The following NBPF11 variants were observed in gnomAD, a reference collection of about 807,000 sequenced individuals.
The protein encoded by NBPF11 is NBPF member 11.
A neutral mutation model predicts 93.9 loss-of-function variants in NBPF11; 72 were observed. The observed-to-expected ratio is 0.77, with a 90% CI of 0.63 to 0.93. The LOEUF (loss-of-function observed/expected upper bound fraction) is 0.93. Ranked by LOEUF, NBPF11 falls within the 40% of genes least tolerant of loss-of-function variation. The probability of loss-of-function intolerance (pLI) is 0.00; values close to 1 mark genes in which losing one functional copy is unlikely to be tolerated. For synonymous variants in NBPF11, 224 were observed against 304.9 expected (o/e 0.73, Z 2.76); for missense variants, 705 against 802.2 (o/e 0.88, Z 1.46).
intron 2 of NBPF11, among the ~76,000 whole-genome samples, chr1:148,139,241 C>T (rs1459679288): frequency 2.0e-5 from 3 of 150,262 alleles, no homozygotes; most frequent in Non-Finnish European, 4.4e-5. Context: ...AAATACCAGT[C>T]ACCAGCACAG....
chr1:148,108,073 G>T (rs1429750990), intron 18 of NBPF11, among the ~76,000 whole-genome samples: 3 of 150,162 alleles, frequency 2.0e-5, no homozygotes, highest in Admixed American at 1.3e-4. Flanking sequence ...TGGTTGCTAG[G>T]AGAAAAACTG....
At chr1:148,141,808 G>A (rs1672212020) in intron 2 of NBPF11, among the ~76,000 whole-genome samples, 1 of 151,808 alleles carries the variant, frequency 6.6e-6, no homozygotes. Flanking sequence ...GGAGGAGGAG[G>A]CTGGGAGGAC....
chr1:148,151,489 C>T (rs1444028755), intron 1 of NBPF11, among the ~76,000 whole-genome samples: 2 of 152,080 alleles, frequency 1.3e-5, no homozygotes, highest in Non-Finnish European at 2.9e-5. Flanking sequence ...CCTCCACCCC[C>T]TGGGATGCCA....
Position 148,122,087 on chromosome 1 carries a change from T to C in NBPF11, c.746A>G (p.Asp249Gly), listed in dbSNP as rs1284360300. The change falls in exon 9 of 24, where the codon GAT becomes GGT. Residue 249 changes from aspartate to glycine, a missense_variant. Physicochemically the swap from Asp to Gly is moderately conservative, Grantham distance 94. This residue lies in a region of NBPF11 where 262 missense variants were observed against 223.1 expected (regional missense o/e 1.17). Transcript: ENST00000682118. ...AATGTTTAGAGCATCCTGACATCCA[T>C]CATGAGAGGATTCTCTGTCTACAAC... ...SLVVDRESSH[D>G]GCQDALNILP... 4 of 1,612,240 alleles carry C rather than the reference T, an allele frequency of 2.5e-6. No homozygotes were observed. Among genetic ancestry groups the C allele is most frequent in the East Asian group, 2.2e-5 (1 of 44,898 alleles).
At chr1:148,136,633 C>T (rs1229991773) in intron 3 of NBPF11, among the ~76,000 whole-genome samples, 7 of 152,108 alleles carry the variant, frequency 4.6e-5, no homozygotes, top group African/African-American at 9.7e-5. Context: ...GAAACTCCTG[C>T]GGGATTTTGC....
At chr1:148,139,048 G>A (rs1216976931) in intron 2 of NBPF11, among the ~76,000 whole-genome samples, 1,877 of 151,082 alleles carry the variant, frequency 0.012, 44 homozygotes, top group African/African-American at 0.044. Flanking sequence ...CTGAGATGGC[G>A]CCGTTGCATT....
At chr1:148,136,397 A>G (rs1272544392) in intron 3 of NBPF11, among the ~76,000 whole-genome samples, 5 of 151,896 alleles carry the variant, frequency 3.3e-5, no homozygotes, top group Middle Eastern at 3.2e-3. Context: ...CTATCAATAC[A>G]AGAATGTGAT....
intron 7 of NBPF11, among the ~76,000 whole-genome samples, chr1:148,123,101 C>T (rs1344238721): frequency 1.3e-5 from 2 of 152,034 alleles, no homozygotes; most frequent in African/African-American, 4.8e-5. Context: ...CCCCATCCTG[C>T]CACAGATCTG....
At chr1:148,129,389 A>G (rs1212129580) in intron 4 of NBPF11, 1 of 150,982 alleles carries the variant, frequency 6.6e-6, no homozygotes, top group Admixed American at 6.6e-5. Context: ...CGAGGAGGAC[A>G]GCACCTGCAT....
chr1:148,146,709 C>A, intron 1 of NBPF11: 2 of 1,611,984 alleles, frequency 1.2e-6, no homozygotes, highest in African/African-American at 1.3e-5. Flanking sequence ...TGTATGTTCG[C>A]TGCGTGCCTG....
chr1:148,143,155 T>G (rs1424101476), intron 2 of NBPF11, among the ~76,000 whole-genome samples: 1 of 151,964 alleles, frequency 6.6e-6, no homozygotes, highest in Non-Finnish European at 1.5e-5. Context: ...CAGATCTAGC[T>G]ACCAAGGAAA....
chr1:148,118,427 A>G (rs1251865245), intron 11 of NBPF11, among the ~76,000 whole-genome samples, 193 bp downstream of exon 11: 2 of 151,280 alleles, frequency 1.3e-5, no homozygotes, highest in African/African-American at 4.9e-5. Flanking sequence ...CAAGGCTCTG[A>G]GAAACAACTG....
chr1:148,110,231 C>G, intron 16 of NBPF11, 147 bp downstream of exon 16: 2 of 942,682 alleles, frequency 2.1e-6, no homozygotes, highest in Non-Finnish European at 3.5e-6. Flanking sequence ...GACTCGACTC[C>G]AGAGTGATTG....
At chr1:148,149,476 C>T (rs1407957987) in intron 1 of NBPF11, 11 of 1,590,668 alleles carry the variant, frequency 6.9e-6, no homozygotes, top group Non-Finnish European at 9.3e-6. Flanking sequence ...GGGTGGAGGG[C>T]GCCGGGCACA....
intron 14 of NBPF11, among the ~76,000 whole-genome samples, chr1:148,114,889 G>A: frequency 6.8e-6 from 1 of 146,252 alleles, no homozygotes; most frequent in Non-Finnish European, 1.5e-5. Context: ...AGATAAATTT[G>A]AACAACTCTT....
At chr1:148,145,304 TG>T (rs1159369987) in intron 1 of NBPF11, among the ~76,000 whole-genome samples, 1 of 140,722 alleles carries the variant, frequency 7.1e-6, no homozygotes, top group East Asian at 2.3e-4. Flanking sequence ...CTCCGCCTCC[TG>T]GGTTCAAGCA....
At chr1:148,117,966 C>CCT (rs1473451123) in intron 11 of NBPF11, among the ~76,000 whole-genome samples, 180 bp from the exon 12 acceptor site, 3 of 151,380 alleles carry the variant, frequency 2.0e-5, no homozygotes, top group African/African-American at 7.3e-5. Context: ...CAGGCTTCCT[C>CCT]TGTATCAGAG....
intron 17 of NBPF11, 148 bp from the exon 18 acceptor site, chr1:148,108,802 G>A: frequency 1.5e-6 from 1 of 668,924 alleles, no homozygotes. Context: ...CCTTTATGTT[G>A]GGATAGACTA....
chr1:148,146,733 G>A (rs1432645822), intron 1 of NBPF11: 3 of 1,612,416 alleles, frequency 1.9e-6, no homozygotes, highest in Admixed American at 1.7e-5. Flanking sequence ...CCAGGTACAC[G>A]GTCCTCTTCT....
Sources: gnomAD v4.1 joint callset for allele counts (sites outside exome capture counted in the v4.1 genomes callset) on GRCh38, gnomAD v4.1.1 for gene constraint, gnomAD v4.1.1 regional missense constraint, MANE v1.5 for transcripts, NCBI Gene and HGNC (gene_info 2026-07-23, HGNC 2026-07-21) for gene names.